Variants in HMCN1 observed in about 807,000 individuals in gnomAD.
The protein encoded by HMCN1 is hemicentin-1.
Under a neutral mutation model 625.9 loss-of-function variants are expected in HMCN1, and 321 were observed. That is an observed-to-expected ratio of 0.51 (90% CI 0.47 to 0.56). The LOEUF (loss-of-function observed/expected upper bound fraction) is 0.56. Among genes scored for constraint, HMCN1 ranks in the 20% least tolerant of loss-of-function variants. The pLI is 0.00. For missense variants in HMCN1, 6,588 were observed against 6,887.3 expected (o/e 0.96, Z 1.54); for synonymous variants, 2,425 against 2,417.6 (o/e 1.00, Z -0.09).
intron 4 of HMCN1, among the ~76,000 whole-genome samples, chr1:185,878,615 G>GTGATT (rs1334815785): frequency 2.0e-5 from 3 of 152,098 alleles, no homozygotes; most frequent in African/African-American, 7.2e-5. Flanking sequence ...TCTTTTTGGT[G>GTGATT]TGCTGGTAGA....
chr1:185,787,195 T>C (rs1657673486), intron 1 of HMCN1, among the ~76,000 whole-genome samples: 1 of 150,942 alleles, frequency 6.6e-6, no homozygotes, highest in African/African-American at 2.4e-5. Context: ...ACGTGTGTTT[T>C]AATGAACAAT....
chr1:186,000,982 CT>C (rs1653157305), intron 26 of HMCN1, among the ~76,000 whole-genome samples: 1 of 151,866 alleles, frequency 6.6e-6, no homozygotes, highest in South Asian at 2.1e-4. Context: ...AGTAGTGAGT[CT>C]CATGTGACTT....
chr1:186,179,786 C>T (rs1652828524), intron 104 of HMCN1, among the ~76,000 whole-genome samples: 1 of 151,794 alleles, frequency 6.6e-6, no homozygotes, highest in Non-Finnish European at 1.5e-5. Context: ...CTTTTTCTAC[C>T]CTTGCCCAAG....
chr1:185,826,070 C>T (rs1419551656), intron 1 of HMCN1, among the ~76,000 whole-genome samples: 1 of 151,796 alleles, frequency 6.6e-6, no homozygotes, highest in Non-Finnish European at 1.5e-5. Flanking sequence ...AAGATAATAC[C>T]CAACTTGCAG....
intron 97 of HMCN1, among the ~76,000 whole-genome samples, chr1:186,161,096 G>T (rs1651439772): frequency 6.6e-6 from 1 of 151,980 alleles, no homozygotes; most frequent in African/African-American, 2.4e-5. Flanking sequence ...TTATGAATCT[G>T]GGTGCTCCTG....
intron 69 of HMCN1, among the ~76,000 whole-genome samples, chr1:186,104,677 A>T (rs1441530368): frequency 6.6e-6 from 1 of 152,196 alleles, no homozygotes; most frequent in Non-Finnish European, 1.5e-5. Context: ...CCAAGTACTC[A>T]TTGCTGCTCA....
chr1:185,930,041 G>T (rs1301282022), intron 10 of HMCN1, among the ~76,000 whole-genome samples: 2 of 152,172 alleles, frequency 1.3e-5, no homozygotes, highest in Admixed American at 6.5e-5. Context: ...ACTGGGAAGT[G>T]CCAGGAAGAA....
chr1:186,017,756 GTC>G (rs1654457307), intron 33 of HMCN1, among the ~76,000 whole-genome samples: 1 of 151,934 alleles, frequency 6.6e-6, no homozygotes, highest in Non-Finnish European at 1.5e-5. Context: ...AGGAGCACTT[GTC>G]TCTTTTCTAA....
intron 11 of HMCN1, among the ~76,000 whole-genome samples, chr1:185,941,189 TA>T (rs1668062889): frequency 6.6e-6 from 1 of 152,166 alleles, no homozygotes. Flanking sequence ...GAGATGTATT[TA>T]AAAATGGTAA....
chr1:186,172,326 C>T (rs1415098263), intron 102 of HMCN1, among the ~76,000 whole-genome samples, 195 bp downstream of exon 102: 1 of 152,154 alleles, frequency 6.6e-6, no homozygotes, highest in Non-Finnish European at 1.5e-5. Context: ...AATGGAAGCT[C>T]ACTATGAAAA....
intron 16 of HMCN1, 77 bp downstream of exon 16, chr1:185,978,058 T>C (rs887333457): frequency 3.9e-6 from 4 of 1,027,230 alleles, no homozygotes; most frequent in Non-Finnish European, 5.8e-6. Flanking sequence ...TAGGTATTGC[T>C]ATTTAAAATA....
chr1:185,928,464 C>A, intron 9 of HMCN1, 82 bp from the exon 10 acceptor site: 2 of 1,172,986 alleles, frequency 1.7e-6, no homozygotes, highest in Non-Finnish European at 2.5e-6. Context: ...TTGAATGAAC[C>A]TTCAAAAGAA....
intron 24 of HMCN1, 33 bp downstream of exon 24, chr1:185,995,120 A>C: frequency 6.2e-7 from 1 of 1,601,896 alleles, no homozygotes; most frequent in Admixed American, 1.7e-5. Flanking sequence ...ATATGTATGT[A>C]GGGTGGGGAG....
intron 99 of HMCN1, 62 bp from the exon 100 acceptor site, chr1:186,166,746 C>A: frequency 6.2e-7 from 1 of 1,611,370 alleles, no homozygotes; most frequent in Middle Eastern, 1.7e-4. Flanking sequence ...CCTATTTCAC[C>A]GCAGGTTCTT....
chr1:186,108,692 A>G, intron 71 of HMCN1, 95 bp downstream of exon 71: 1 of 1,338,128 alleles, frequency 7.5e-7, no homozygotes, highest in Non-Finnish European at 1.1e-6. Context: ...AAAACCAACT[A>G]ACATCAGGCT....
intron 42 of HMCN1, among the ~76,000 whole-genome samples, chr1:186,050,794 T>C (rs146401389): frequency 3.3e-5 from 5 of 152,200 alleles, no homozygotes; most frequent in African/African-American, 1.2e-4. Context: ...TGCTTCCATC[T>C]TCTAGGCGCT....
chr1:186,056,498 G>A (rs537645657), intron 45 of HMCN1, among the ~76,000 whole-genome samples: 56 of 152,006 alleles, frequency 3.7e-4, no homozygotes, highest in African/African-American at 1.3e-3. Context: ...CATAGAATCA[G>A]CCTAGGTGCT....
intron 5 of HMCN1, among the ~76,000 whole-genome samples, chr1:185,911,000 T>TAAATGTCAGGTCAGTAGGCAATCC (rs1322889838): frequency 2.6e-5 from 4 of 152,200 alleles, no homozygotes; most frequent in African/African-American, 9.6e-5. Flanking sequence ...ACACTTTAGA[T>TAAATGTCAGGTCAGTAGGCAATCC]AAATGTCAGG....
At chr1:186,113,004 T>C (rs1660963627) in intron 72 of HMCN1, 51 bp downstream of exon 72, 1 of 1,599,896 alleles carries the variant, frequency 6.3e-7, no homozygotes, top group Non-Finnish European at 8.5e-7. Flanking sequence ...ACCAAGGGCA[T>C]TCAAAGAGAT....
Sources: gnomAD v4.1 joint callset for allele counts (sites outside exome capture counted in the v4.1 genomes callset) on GRCh38, gnomAD v4.1.1 for gene constraint, MANE v1.5 for transcripts, NCBI Gene and HGNC (gene_info 2026-07-23, HGNC 2026-07-21) for gene names.